Variants in CBLB observed in about 807,000 individuals in gnomAD.
The protein encoded by CBLB is Cbl proto-oncogene B, also known as E3 ubiquitin-protein ligase CBL-B.
Under a neutral mutation model 104.9 loss-of-function variants are expected in CBLB, and 31 were observed. The ratio of observed to expected loss-of-function variants is 0.30; its 90% CI spans 0.22 to 0.40. CBLB has a LOEUF of 0.40. CBLB is among the 10% of genes least tolerant of loss of function. The pLI, the probability that CBLB is intolerant of heterozygous loss-of-function variation, is 1.00. For synonymous variants in CBLB, 440 were observed against 422.6 expected (o/e 1.04, Z -0.51); for missense variants, 1,062 against 1,214.6 (o/e 0.87, Z 1.87).
At chr3:105,661,712 T>C (rs566559704) in intron 18 of CBLB, among the ~76,000 whole-genome samples, 49 of 152,306 alleles carry the variant, frequency 3.2e-4, no homozygotes, top group East Asian at 7.7e-4. Context: ...TAACTGGCAA[T>C]TGAATCTTAA....
intron 2 of CBLB, among the ~76,000 whole-genome samples, chr3:105,860,678 T>C (rs572643640): frequency 6.6e-6 from 1 of 152,184 alleles, no homozygotes; most frequent in African/African-American, 2.4e-5. Context: ...TTACATTCCA[T>C]CACAAGGCAA....
intron 3 of CBLB, among the ~76,000 whole-genome samples, chr3:105,835,104 G>T (rs2153084906): frequency 6.6e-6 from 1 of 152,236 alleles, no homozygotes; most frequent in Middle Eastern, 3.4e-3. Context: ...CTGCAAAAAG[G>T]AATTGCTTTT....
chr3:105,755,982 C>T (rs1442171546), intron 4 of CBLB, among the ~76,000 whole-genome samples: 1 of 152,046 alleles, frequency 6.6e-6, no homozygotes, highest in Non-Finnish European at 1.5e-5. Flanking sequence ...CTTTATGATC[C>T]AATGTTAAAC....
chr3:105,725,283 T>C (rs1454029994), intron 9 of CBLB, among the ~76,000 whole-genome samples: 1 of 152,196 alleles, frequency 6.6e-6, no homozygotes, highest in African/African-American at 2.4e-5. Context: ...GTTGCTTGAA[T>C]CCAATTTAAA....
At chr3:105,723,782 TG>T (rs2073215409) in intron 9 of CBLB, among the ~76,000 whole-genome samples, 1 of 152,086 alleles carries the variant, frequency 6.6e-6, no homozygotes, top group African/African-American at 2.4e-5. Context: ...TTCTTTTAAA[TG>T]TTTTTCAAGA....
intron 6 of CBLB, among the ~76,000 whole-genome samples, chr3:105,742,321 T>C (rs1349491792): frequency 6.6e-6 from 1 of 152,242 alleles, no homozygotes; most frequent in Non-Finnish European, 1.5e-5. Flanking sequence ...ACATACATAA[T>C]GGCTGCAGTC....
chr3:105,677,341 C>A (rs1243604165), intron 17 of CBLB, among the ~76,000 whole-genome samples: 11 of 139,822 alleles, frequency 7.9e-5, no homozygotes, highest in Non-Finnish European at 1.4e-4. Context: ...TCTAAACTAT[C>A]AAACCAAGTA....
At chr3:105,747,263 GA>G (rs199887225) in intron 5 of CBLB, among the ~76,000 whole-genome samples, 1 of 150,616 alleles carries the variant, frequency 6.6e-6, no homozygotes, top group Non-Finnish European at 1.5e-5. Context: ...CTACATAAAA[GA>G]AAAAAAAAGT....
intron 7 of CBLB, among the ~76,000 whole-genome samples, chr3:105,738,244 A>G (rs1246326667): frequency 6.6e-6 from 1 of 152,144 alleles, no homozygotes; most frequent in African/African-American, 2.4e-5. Context: ...AAAAATATTT[A>G]TCCTCGAATG....
intron 3 of CBLB, among the ~76,000 whole-genome samples, chr3:105,783,906 G>A (rs966964807): frequency 6.6e-6 from 1 of 152,108 alleles, no homozygotes; most frequent in Admixed American, 6.6e-5. Context: ...TGAAGAGAAG[G>A]ACTACAATAA....
intron 5 of CBLB, among the ~76,000 whole-genome samples, chr3:105,747,731 T>A (rs2076245272): frequency 6.6e-6 from 1 of 152,114 alleles, no homozygotes; most frequent in Non-Finnish European, 1.5e-5. Flanking sequence ...GTTCTACCCA[T>A]CTATGAAGGA....
chr3:105,679,515 T>C (rs999802462), intron 16 of CBLB, among the ~76,000 whole-genome samples: 2 of 152,102 alleles, frequency 1.3e-5, no homozygotes, highest in East Asian at 1.9e-4. Flanking sequence ...TGGTGGCTCA[T>C]GTCTGTAATC....
intron 2 of CBLB, among the ~76,000 whole-genome samples, chr3:105,863,030 G>A (rs972743448): frequency 6.6e-6 from 1 of 152,146 alleles, no homozygotes; most frequent in Non-Finnish European, 1.5e-5. Flanking sequence ...TTTGATAAAT[G>A]AATGATGAAA....
At chr3:105,858,918 A>T (rs948170192) in intron 2 of CBLB, among the ~76,000 whole-genome samples, 1 of 152,196 alleles carries the variant, frequency 6.6e-6, no homozygotes, top group Non-Finnish European at 1.5e-5. Flanking sequence ...CATGAATAAA[A>T]ATATATTATT....
chr3:105,834,350 T>C (rs2088089059), intron 3 of CBLB, among the ~76,000 whole-genome samples: 1 of 152,150 alleles, frequency 6.6e-6, no homozygotes, highest in Non-Finnish European at 1.5e-5. Context: ...ATAAATGTAT[T>C]TGTCATTTTT....
rs138477184 is a variant in CBLB at position 105,677,070 on chromosome 3, C to T, written c.2569+1361G>A. 9.9e-3 allele frequency among the ~76,000 whole-genome samples: 1,506 copies of T among 152,164 alleles called. 14 individuals carry two copies. The highest frequency in any genetic ancestry group is 0.016 in the Admixed American group (248 of 15,270). The stretch of plus-strand genomic sequence containing the variant: ...GCTTTTATGGCAGTGTGAAAACGGA[C>T]TCATACACTATACTTCCTGCTTGGA... On this transcript the variant is annotated intron_variant, in intron 17 of 18. Transcript: ENST00000394030.
intron 4 of CBLB, 134 bp from the exon 5 acceptor site, chr3:105,751,752 T>C (rs1288454867): frequency 6.7e-6 from 5 of 746,200 alleles, no homozygotes; most frequent in Admixed American, 2.1e-5. Flanking sequence ...TTTGAGAATA[T>C]TGTTCATATT....
chr3:105,789,034 A>G (rs1354361670), intron 3 of CBLB, among the ~76,000 whole-genome samples: 1 of 152,194 alleles, frequency 6.6e-6, no homozygotes. Flanking sequence ...CCAACATTAT[A>G]TGAAGCAGAA....
chr3:105,823,519 A>G (rs1232679179), intron 3 of CBLB, among the ~76,000 whole-genome samples: 1 of 152,246 alleles, frequency 6.6e-6, no homozygotes, highest in Non-Finnish European at 1.5e-5. Flanking sequence ...AGTTTAAGAA[A>G]CACATAGGAG....
Sources: gnomAD v4.1 joint callset for allele counts (sites outside exome capture counted in the v4.1 genomes callset) on GRCh38, gnomAD v4.1.1 for gene constraint, MANE v1.5 for transcripts, NCBI Gene and HGNC (gene_info 2026-07-23, HGNC 2026-07-21) for gene names.